The following PLPPR1 variants were observed in gnomAD, a reference collection of about 807,000 sequenced individuals.
The protein encoded by PLPPR1 is phospholipid phosphatase related 1.
Under a neutral mutation model 33.1 loss-of-function variants are expected in PLPPR1, and 10 were observed. The observed-to-expected ratio is 0.30, with a 90% CI of 0.19 to 0.51. The LOEUF (loss-of-function observed/expected upper bound fraction) is 0.51, where lower values mean the gene tolerates loss of function less well. Among genes scored for constraint, PLPPR1 ranks in the 20% least tolerant of loss-of-function variants. The pLI is 0.97. For missense variants in PLPPR1, 304 were observed against 408.1 expected (o/e 0.74, Z 2.20); for synonymous variants, 151 against 151.0 (o/e 1.00, Z 0.00).
chr9:101,211,057 G>A lies in PLPPR1; in HGVS notation c.63+25500G>A, dbSNP rs112826740. On this transcript the variant is annotated intron_variant, in intron 2 of 7. Coordinates refer to ENST00000374874, the MANE Select transcript of PLPPR1 (RefSeq NM_207299.2). ...GCTGGGATTACAGGCGTAAGCCACC[G>A]CCCCCGGCCTATAATTATGGTTTTA... is the stretch of plus-strand genomic sequence containing the variant. 2.3e-3 allele frequency among the ~76,000 whole-genome samples: 344 copies of A among 152,198 alleles called. 4 individuals are homozygous for A. The highest frequency in any genetic ancestry group is 7.9e-3 in the African/African-American group (327 of 41,530).
chr9:101,046,439 T>C (rs1177736237), intron 1 of PLPPR1, among the ~76,000 whole-genome samples: 4 of 142,580 alleles, frequency 2.8e-5, no homozygotes, highest in Admixed American at 2.1e-4. Context: ...TTTATTCTTT[T>C]TTTTTTTTTT....
At chr9:101,188,805 T>G (rs1826247158) in intron 2 of PLPPR1, among the ~76,000 whole-genome samples, 1 of 152,148 alleles carries the variant, frequency 6.6e-6, no homozygotes, top group South Asian at 2.1e-4. Flanking sequence ...AATAGCTCCA[T>G]GATTCTCTTA....
intron 1 of PLPPR1, among the ~76,000 whole-genome samples, chr9:101,116,975 A>G (rs1347042811): frequency 2.0e-5 from 3 of 152,234 alleles, no homozygotes; most frequent in Non-Finnish European, 4.4e-5. Context: ...TCTACCCTGA[A>G]TATAAAAGAC....
At position 101,317,348 on chromosome 9, in the gene PLPPR1, T is replaced by C. The variant is rs201340416; in HGVS notation, c.814-17T>C. 222 of 1,609,408 alleles carry C rather than the reference T, an allele frequency of 1.4e-4. 1 individual carries two copies. In the African/African-American group the frequency reaches 2.7e-3, roughly 20 times the overall value. On this transcript the variant is annotated splice_polypyrimidine_tract_variant and intron_variant, in intron 6 of 7. Transcript: ENST00000374874. The stretch of plus-strand genomic sequence containing the variant: ...GCTGCAGTCTGACCCCATTCTTTTT[T>C]CCCCCTCATCCTGCAGGGAATGTGT...
At chr9:101,138,001 A>G (rs1254287399) in intron 1 of PLPPR1, among the ~76,000 whole-genome samples, 2 of 152,250 alleles carry the variant, frequency 1.3e-5, no homozygotes, top group African/African-American at 2.4e-5. Flanking sequence ...CTACCTACAC[A>G]GCACAGAGAT....
rs191218951 is a variant in PLPPR1, at chr9:101,173,268, T to C, written c.-45-12182T>C. Among the ~76,000 whole-genome samples the C allele has an allele frequency of 6.6e-4, 100 of 152,318 alleles. 1 individual carries two copies. In the East Asian group the frequency reaches 0.016, roughly 25 times the overall value. ...AGCCTACTTACAAATCATTTTTATA[T>C]TAATGAAATTGTTGTGAAGACTAAG... is the stretch of plus-strand genomic sequence containing the variant. On this transcript the variant is annotated intron_variant, in intron 1 of 7. Coordinates refer to ENST00000374874, the MANE Select transcript of PLPPR1 (RefSeq NM_207299.2).
chr9:101,322,470 A>G (rs547758046), intron 7 of PLPPR1: 2 of 152,138 alleles, frequency 1.3e-5, no homozygotes, highest in African/African-American at 4.8e-5. Context: ...TATATTACCA[A>G]TGCAAGAAAA....
intron 1 of PLPPR1, among the ~76,000 whole-genome samples, chr9:101,146,565 T>C (rs1346852397): frequency 6.6e-6 from 1 of 152,190 alleles, no homozygotes; most frequent in African/African-American, 2.4e-5. Context: ...TAGAAACCAG[T>C]GAAGTACCAT....
At chr9:101,050,292 A>T (rs1830205674) in intron 1 of PLPPR1, among the ~76,000 whole-genome samples, 1 of 152,002 alleles carries the variant, frequency 6.6e-6, no homozygotes, top group African/African-American at 2.4e-5. Flanking sequence ...TTTTTTTGGA[A>T]AAAAAACAAA....
chr9:101,039,922 TAAAAAA>T (rs36061660), intron 1 of PLPPR1, among the ~76,000 whole-genome samples: 1 of 134,970 alleles, frequency 7.4e-6, no homozygotes, highest in African/African-American at 2.7e-5. Context: ...TATTGCCTCC[TAAAAAA>T]AAAAAAAAAA....
chr9:101,211,830 G>C (rs1826696627), intron 2 of PLPPR1, among the ~76,000 whole-genome samples: 1 of 152,102 alleles, frequency 6.6e-6, no homozygotes, highest in African/African-American at 2.4e-5. Flanking sequence ...CTATATATCA[G>C]GCACCGAGCT....
intron 1 of PLPPR1, among the ~76,000 whole-genome samples, chr9:101,059,199 T>C (rs879555357): frequency 1.3e-5 from 2 of 152,150 alleles, no homozygotes; most frequent in African/African-American, 2.4e-5. Context: ...TTCATTTCTC[T>C]TTTCCACTGC....
At chr9:101,116,002 G>A (rs74570824) in intron 1 of PLPPR1, among the ~76,000 whole-genome samples, 1 of 146,532 alleles carries the variant, frequency 6.8e-6, no homozygotes. Context: ...AGAATGAGAA[G>A]AACATTCTGT....
chr9:101,252,016 A>G (rs1588096000), intron 2 of PLPPR1, among the ~76,000 whole-genome samples: 1 of 152,168 alleles, frequency 6.6e-6, no homozygotes, highest in East Asian at 1.9e-4. Flanking sequence ...TATGTTTTCC[A>G]ATTTACATAT....
At chr9:101,115,085 T>A (rs73656146) in intron 1 of PLPPR1, among the ~76,000 whole-genome samples, 9,807 of 152,248 alleles carry the variant, frequency 0.064, 786 homozygotes, top group African/African-American at 0.19. Context: ...GCATTTGATT[T>A]TGCTGCCTTC....
At chr9:101,131,573 G>T (rs1831314533) in intron 1 of PLPPR1, 1 of 152,146 alleles carries the variant, frequency 6.6e-6, no homozygotes, top group African/African-American at 2.4e-5. Flanking sequence ...CGTGAGCGGG[G>T]AGCCCACTTG....
chr9:101,267,710 G>A (rs539972760), intron 2 of PLPPR1, among the ~76,000 whole-genome samples: 1 of 151,564 alleles, frequency 6.6e-6, no homozygotes, highest in Middle Eastern at 3.2e-3. Context: ...TTAGAAATTT[G>A]TACTTGAAGC....
intron 3 of PLPPR1, among the ~76,000 whole-genome samples, chr9:101,280,971 G>A (rs993476546): frequency 6.6e-6 from 1 of 152,012 alleles, no homozygotes; most frequent in African/African-American, 2.4e-5. Context: ...TGGACAGGAA[G>A]TCAAATTATC....
intron 1 of PLPPR1, among the ~76,000 whole-genome samples, chr9:101,046,992 G>T (rs999432475): frequency 3.9e-5 from 6 of 152,056 alleles, no homozygotes; most frequent in Non-Finnish European, 8.8e-5. Context: ...GAAGAGGGTT[G>T]GTTTTGGGAT....
Sources: gnomAD v4.1 joint callset for allele counts (sites outside exome capture counted in the v4.1 genomes callset) on GRCh38, gnomAD v4.1.1 for gene constraint, MANE v1.5 for transcripts, NCBI Gene and HGNC (gene_info 2026-07-23, HGNC 2026-07-21) for gene names.